The following LRRC1 variants were observed in gnomAD, a reference collection of about 807,000 sequenced individuals.
The protein encoded by LRRC1 is leucine rich repeat containing 1.
LRRC1 carries 28 observed loss-of-function variants against 69.9 expected under a neutral mutation model. The ratio of observed to expected loss-of-function variants is 0.40; its 90% CI spans 0.30 to 0.55. LRRC1 has a LOEUF of 0.55. Ranked by LOEUF, LRRC1 falls within the 20% of genes least tolerant of loss-of-function variation. LRRC1 has a pLI of 0.47. For missense variants in LRRC1, 498 were observed against 609.0 expected, an observed-to-expected ratio of 0.82 and a Z score of 1.92; for synonymous variants, 236 against 240.2, an observed-to-expected ratio of 0.98 and a Z score of 0.16.
chr6:53,883,019 G>T, intron 4 of LRRC1, 43 bp downstream of exon 4: 1 of 1,238,622 alleles, frequency 8.1e-7, no homozygotes. Context: ...GGTGAAAGGG[G>T]GTTTATATCA....
chr6:53,804,702 G>A (rs771863856), intron 1 of LRRC1, among the ~76,000 whole-genome samples: 3 of 152,162 alleles, frequency 2.0e-5, no homozygotes. Flanking sequence ...GAGCCATGCT[G>A]AATTAAAAGT....
intron 2 of LRRC1, among the ~76,000 whole-genome samples, chr6:53,852,848 C>G (rs1455206684): frequency 6.6e-6 from 1 of 152,184 alleles, no homozygotes; most frequent in Non-Finnish European, 1.5e-5. Context: ...ATGGCCAACT[C>G]TAAGAGGTGG....
At chr6:53,830,305 A>G (rs990313154) in intron 1 of LRRC1, among the ~76,000 whole-genome samples, 1 of 152,250 alleles carries the variant, frequency 6.6e-6, no homozygotes, top group Non-Finnish European at 1.5e-5. Flanking sequence ...TCAGAAAGAA[A>G]GCAGACTTGT....
At chr6:53,908,890 G>A (rs1768323677) in intron 10 of LRRC1, among the ~76,000 whole-genome samples, 1 of 152,184 alleles carries the variant, frequency 6.6e-6, no homozygotes, top group African/African-American at 2.4e-5. Flanking sequence ...AACAATTTCA[G>A]CCTCATCAGT....
intron 4 of LRRC1, among the ~76,000 whole-genome samples, chr6:53,884,892 T>TTTTTG (rs753014590): frequency 2.0e-5 from 3 of 152,214 alleles, no homozygotes; most frequent in Non-Finnish European, 4.4e-5. Context: ...GTTCAAGATT[T>TTTTTG]TTTTGTTTTG....
At chr6:53,859,953 A>G (rs1321094788) in intron 2 of LRRC1, among the ~76,000 whole-genome samples, 2 of 152,240 alleles carry the variant, frequency 1.3e-5, no homozygotes, top group Admixed American at 1.3e-4. Context: ...ACCATAGCCA[A>G]TGACCAAGAG....
intron 4 of LRRC1, among the ~76,000 whole-genome samples, chr6:53,895,687 T>C (rs1027444556): frequency 1.3e-5 from 2 of 152,238 alleles, no homozygotes; most frequent in African/African-American, 4.8e-5. Flanking sequence ...CATAACTTCA[T>C]GAGGGTTTCT....
chr6:53,842,054 A>G (rs1765805501), intron 1 of LRRC1, 56 bp from the exon 2 acceptor site: 1 of 1,152,114 alleles, frequency 8.7e-7, no homozygotes, highest in Non-Finnish European at 1.3e-6. Flanking sequence ...ATAGTAGCCC[A>G]AAAGTTTATG....
chr6:53,843,837 T>C (rs1464342305), intron 2 of LRRC1, among the ~76,000 whole-genome samples: 2 of 152,202 alleles, frequency 1.3e-5, no homozygotes, highest in Non-Finnish European at 2.9e-5. Context: ...GGTGGCCTCT[T>C]TTTGTGACTT....
chr6:53,801,746 T>C (rs573121284), intron 1 of LRRC1, among the ~76,000 whole-genome samples: 11 of 152,168 alleles, frequency 7.2e-5, no homozygotes, highest in Admixed American at 2.0e-4. Context: ...AGTGAGTATC[T>C]GTGACATATT....
At chr6:53,847,402 C>T (rs1220492782) in intron 2 of LRRC1, among the ~76,000 whole-genome samples, 1 of 152,160 alleles carries the variant, frequency 6.6e-6, no homozygotes, top group Admixed American at 6.5e-5. Context: ...TAAGGAAATA[C>T]TTGTCAGTAT....
chr6:53,896,484 C>G lies in LRRC1; in HGVS notation c.447-14C>G, dbSNP rs1439635053. The G allele has an allele frequency of 6.2e-7, 1 of 1,608,120 alleles. No homozygotes were observed. Among genetic ancestry groups the G allele is most frequent in the African/African-American group, 1.3e-5 (1 of 74,614 alleles). On this transcript the variant is annotated splice_polypyrimidine_tract_variant and intron_variant, in intron 4 of 13. Coordinates refer to ENST00000370888, the MANE Select transcript of LRRC1 (RefSeq NM_018214.5). Reference sequence around the variant, plus strand: ...ATTTCTCTTATGCTTTTTTTTCCTTCTGTTCATTTCTAGTCTTTATAACCT... The same window carrying G: ...ATTTCTCTTATGCTTTTTTTTCCTTGTGTTCATTTCTAGTCTTTATAACCT...
chr6:53,883,445 G>T (rs1189685263), intron 4 of LRRC1, among the ~76,000 whole-genome samples: 1 of 152,128 alleles, frequency 6.6e-6, no homozygotes, highest in African/African-American at 2.4e-5. Flanking sequence ...GAATGAGAAT[G>T]GTGTATTTGG....
chr6:53,910,906 G>T (rs576223854), intron 10 of LRRC1, among the ~76,000 whole-genome samples: 3 of 152,338 alleles, frequency 2.0e-5, no homozygotes, highest in Admixed American at 2.0e-4. Context: ...AAAACCAAAG[G>T]TTGTGCCATC....
At chr6:53,908,360 G>A (rs970587778) in intron 10 of LRRC1, among the ~76,000 whole-genome samples, 1 of 152,212 alleles carries the variant, frequency 6.6e-6, no homozygotes, top group Admixed American at 6.5e-5. Flanking sequence ...TTTCAGTCAG[G>A]CAACCTGTAA....
chr6:53,827,891 GTTA>G (rs1234729422), intron 1 of LRRC1, among the ~76,000 whole-genome samples: 1 of 152,172 alleles, frequency 6.6e-6, no homozygotes, highest in African/African-American at 2.4e-5. Flanking sequence ...TGTTGATGGT[GTTA>G]TTATTATGTG....
chr6:53,914,864 A>C (rs1037270741), intron 11 of LRRC1, among the ~76,000 whole-genome samples: 1 of 152,172 alleles, frequency 6.6e-6, no homozygotes, highest in African/African-American at 2.4e-5. Context: ...GCCTGTTTTC[A>C]TATGGGTAAC....
intron 1 of LRRC1, among the ~76,000 whole-genome samples, chr6:53,816,447 T>A (rs1300616563): frequency 6.6e-6 from 1 of 151,906 alleles, no homozygotes; most frequent in Non-Finnish European, 1.5e-5. Context: ...TGTCAAAAGC[T>A]TCTTGAATCT....
At chr6:53,920,521 C>A in intron 12 of LRRC1, 104 bp from the exon 13 acceptor site, 1 of 1,278,458 alleles carries the variant, frequency 7.8e-7, no homozygotes, top group Non-Finnish European at 1.1e-6. Flanking sequence ...GGTGTTCTAC[C>A]CCTGGTCCTC....
Sources: allele counts gnomAD v4.1 joint callset (sites outside exome capture counted in the v4.1 genomes callset), GRCh38; gene constraint gnomAD v4.1.1; transcripts MANE v1.5; gene names NCBI Gene and HGNC (gene_info 2026-07-23, HGNC 2026-07-21).